The following CARMIL1 variants were observed in gnomAD, a reference collection of about 807,000 sequenced individuals.
CARMIL1 encodes F-actin-uncapping protein LRRC16A.
In CARMIL1, 90 loss-of-function variants were observed where a neutral mutation model predicts 177.1. The observed-to-expected ratio is 0.51, with a 90% confidence interval of 0.43 to 0.61. The LOEUF is 0.61. CARMIL1 is among the 20% of genes least tolerant of loss of function. The pLI is 0.00. For missense variants in CARMIL1, 1,380 were observed against 1,667.0 expected (o/e 0.83, Z 3.00); for synonymous variants, 577 against 606.2 (o/e 0.95, Z 0.71).
chr6:25,495,900 G>A (rs1803654721), intron 16 of CARMIL1, among the ~76,000 whole-genome samples: 1 of 152,096 alleles, frequency 6.6e-6, no homozygotes, highest in African/African-American at 2.4e-5. Flanking sequence ...TTCTCTTTGA[G>A]TCTAAAGAAG....
intron 8 of CARMIL1, among the ~76,000 whole-genome samples, chr6:25,455,260 T>G (rs767815250): frequency 7.9e-5 from 12 of 152,196 alleles, no homozygotes; most frequent in Admixed American, 7.2e-4. Flanking sequence ...TCAGAGTCAA[T>G]AAGAAAGCTC....
intron 33 of CARMIL1, 27 bp downstream of exon 33, chr6:25,600,773 T>C: frequency 6.9e-7 from 1 of 1,447,902 alleles, no homozygotes; most frequent in Non-Finnish European, 9.1e-7. Context: ...TTTTAATTCA[T>C]TCATTTATTT....
chr6:25,617,279 A>G (rs887702264), intron 36 of CARMIL1, among the ~76,000 whole-genome samples: 5 of 152,178 alleles, frequency 3.3e-5, no homozygotes, highest in Admixed American at 1.3e-4. Flanking sequence ...ACCCTGGTCT[A>G]TAGGGTTATC....
At chr6:25,528,708 A>T in intron 23 of CARMIL1, 87 bp from the exon 24 acceptor site, 1 of 984,882 alleles carries the variant, frequency 1.0e-6, no homozygotes, top group Non-Finnish European at 1.6e-6. Flanking sequence ...TTCGGTTTTT[A>T]AGTTCGGCAA....
At position 25,309,766 on chromosome 6, in the gene CARMIL1, CTTTTT is replaced by C. The variant is rs34514583; in HGVS notation, c.138+24873_138+24877del. Among the ~76,000 whole-genome samples the C allele has an allele frequency of 2.6e-3, 300 of 116,916 alleles. 1 individual carries two copies. Among genetic ancestry groups the C allele is most frequent in the African/African-American group, 7.8e-3 (260 of 33,386 alleles). 76.7% of individuals were successfully genotyped at this position (116,916 alleles called of 152,430 possible). A position where few individuals can be genotyped will look rare whatever the true frequency, so the allele number is the denominator to read the frequency against. On this transcript the variant is annotated intron_variant, in intron 2 of 36. Transcript: ENST00000329474. ...ATTCCACTGTATGAATATACCACAT[CTTTTT>C]TTTTTTTTTTTTTTTGGAGACAGAA...
rs534737858 is a variant in CARMIL1, at chr6:25,305,587, G to T, written c.138+20678G>T. ...CTCTTCCTTCTCTAATATGGTCTGC[G>T]GCTCTAAGAATTGTTGTCTCATCCA... On this transcript the variant is annotated intron_variant, in intron 2 of 36. Transcript: ENST00000329474. Among the ~76,000 whole-genome samples, 12 of 152,298 alleles carry T rather than the reference G, an allele frequency of 7.9e-5. No individual in the cohort carries two copies. In the South Asian group the frequency reaches 2.5e-3, roughly 32 times the overall value.
intron 11 of CARMIL1, among the ~76,000 whole-genome samples, chr6:25,476,456 A>C (rs897046938): frequency 6.6e-6 from 1 of 152,318 alleles, no homozygotes. Flanking sequence ...GCCAGTGCTC[A>C]CAGGCAACTG....
intron 23 of CARMIL1, among the ~76,000 whole-genome samples, chr6:25,522,062 T>A (rs541355972): frequency 6.6e-6 from 1 of 152,320 alleles, no homozygotes; most frequent in Non-Finnish European, 1.5e-5. Flanking sequence ...CATTTCTTCC[T>A]TAGCTAATCA....
chr6:25,493,238 A>T (rs574056673), intron 15 of CARMIL1, among the ~76,000 whole-genome samples: 1 of 152,358 alleles, frequency 6.6e-6, no homozygotes, highest in South Asian at 2.1e-4. Flanking sequence ...GAATTGCGCT[A>T]ACAAATTGTC....
chr6:25,567,156 A>C (rs1161046312), intron 29 of CARMIL1, among the ~76,000 whole-genome samples: 1 of 152,158 alleles, frequency 6.6e-6, no homozygotes, highest in Non-Finnish European at 1.5e-5. Flanking sequence ...ACTCTCAAAC[A>C]CGTTCTCTGT....
At chr6:25,368,734 T>G (rs914670144) in intron 2 of CARMIL1, among the ~76,000 whole-genome samples, 3 of 152,202 alleles carry the variant, frequency 2.0e-5, no homozygotes, top group Non-Finnish European at 4.4e-5. Flanking sequence ...GTTGAAATAT[T>G]TAGATGTGGA....
intron 16 of CARMIL1, among the ~76,000 whole-genome samples, chr6:25,496,614 G>T (rs966009956): frequency 1.3e-5 from 2 of 152,210 alleles, no homozygotes; most frequent in East Asian, 3.9e-4. Flanking sequence ...AACACCTCAT[G>T]ATTTGGCCGT....
chr6:25,357,420 A>C (rs568439490), intron 2 of CARMIL1, among the ~76,000 whole-genome samples: 1 of 152,232 alleles, frequency 6.6e-6, no homozygotes, highest in African/African-American at 2.4e-5. Context: ...CATCTCTAGT[A>C]AAAATGCAAA....
chr6:25,585,736 G>C (rs1277906414), intron 31 of CARMIL1, among the ~76,000 whole-genome samples: 2 of 152,042 alleles, frequency 1.3e-5, no homozygotes, highest in African/African-American at 4.8e-5. Flanking sequence ...TGAGATTAGG[G>C]AGTGGTGATG....
At chr6:25,590,063 G>C (rs539629906) in intron 31 of CARMIL1, among the ~76,000 whole-genome samples, 5 of 152,302 alleles carry the variant, frequency 3.3e-5, no homozygotes, top group African/African-American at 1.2e-4. Flanking sequence ...AATCTAGGAA[G>C]ATAAATAGCC....
At chr6:25,591,936 A>G (rs997997748) in intron 31 of CARMIL1, among the ~76,000 whole-genome samples, 7 of 151,982 alleles carry the variant, frequency 4.6e-5, no homozygotes, top group African/African-American at 1.5e-4. Context: ...CCATTGATGT[A>G]CCCCACATCC....
chr6:25,546,683 A>C (rs1178393269), intron 26 of CARMIL1, among the ~76,000 whole-genome samples: 9 of 151,002 alleles, frequency 6.0e-5, no homozygotes, highest in South Asian at 2.1e-4. Flanking sequence ...AAAAAAAAAA[A>C]AAAAAAAATT....
At chr6:25,506,724 C>T (rs1804951940) in intron 17 of CARMIL1, among the ~76,000 whole-genome samples, 1 of 152,086 alleles carries the variant, frequency 6.6e-6, no homozygotes, top group South Asian at 2.1e-4. Context: ...ATGAAAATTT[C>T]CCAGGATAAA....
chr6:25,547,706 A>C (rs751085608), intron 26 of CARMIL1, among the ~76,000 whole-genome samples: 3 of 152,148 alleles, frequency 2.0e-5, no homozygotes, highest in Non-Finnish European at 4.4e-5. Context: ...GCTCTCTGTG[A>C]AGTTCCAGAA....
Sources: allele counts gnomAD v4.1 joint callset (sites outside exome capture counted in the v4.1 genomes callset), GRCh38; gene constraint gnomAD v4.1.1; transcripts MANE v1.5; gene names NCBI Gene and HGNC (gene_info 2026-07-23, HGNC 2026-07-21).